NTM: variants seen among roughly 807,000 people sequenced by gnomAD.
The protein encoded by NTM is IgLON family member 2.
In NTM, 13 loss-of-function variants were observed where a neutral mutation model predicts 42.1. The ratio of observed to expected loss-of-function variants is 0.31; its 90% CI spans 0.20 to 0.49. The LOEUF (loss-of-function observed/expected upper bound fraction) is 0.49, where lower values mean the gene tolerates loss of function less well. Ranked by LOEUF, NTM falls within the 20% of genes least tolerant of loss-of-function variation. The probability of loss-of-function intolerance (pLI) is 0.99; values close to 1 mark genes in which losing one functional copy is unlikely to be tolerated. For missense variants in NTM, 373 were observed against 452.8 expected, an observed-to-expected ratio of 0.82 and a Z score of 1.60; for synonymous variants, 187 against 179.2, an observed-to-expected ratio of 1.04 and a Z score of -0.35.
intron 1 of NTM, among the ~76,000 whole-genome samples, chr11:131,548,611 A>C (rs1407446137): frequency 6.6e-6 from 1 of 152,198 alleles, no homozygotes; most frequent in Non-Finnish European, 1.5e-5. Context: ...TGCCTTCCCC[A>C]TCCTGACTTC....
chr11:132,071,788 A>T (rs1194555317), intron 2 of NTM, among the ~76,000 whole-genome samples: 1 of 152,142 alleles, frequency 6.6e-6, no homozygotes, highest in Non-Finnish European at 1.5e-5. Context: ...CTTTTATCAG[A>T]TTCACACAAA....
At chr11:132,250,694 C>A (rs923136718) in intron 4 of NTM, among the ~76,000 whole-genome samples, 1 of 149,282 alleles carries the variant, frequency 6.7e-6, no homozygotes, top group Non-Finnish European at 1.5e-5. Flanking sequence ...TTTAATTTTT[C>A]TTTTCTAGAA....
intron 1 of NTM, among the ~76,000 whole-genome samples, chr11:131,812,216 CTCTCTT>C (rs1333316828): frequency 2.7e-5 from 4 of 147,448 alleles, no homozygotes; most frequent in African/African-American, 7.5e-5. Context: ...CTCTCTCTCT[CTCTCTT>C]CCCCTTCCTC....
At position 131,710,959 on chromosome 11, in the gene NTM, C is replaced by A. The variant is rs114730076; in HGVS notation, c.83-200605C>A. Among the ~76,000 whole-genome samples, 1,186 of 152,306 alleles carry A rather than the reference C, an allele frequency of 7.8e-3. 19 individuals are homozygous for A. Among genetic ancestry groups the A allele is most frequent in the African/African-American group, 0.023 (960 of 41,554 alleles). On this transcript the variant is annotated intron_variant, in intron 1 of 8. Transcript: ENST00000683400. Reference sequence around the variant, plus strand: ...CCAAGGAGTATTTCTGGCTACTGCACTGGTTTGCTTCTCTCCAAGGCCTCC... The same window carrying A: ...CCAAGGAGTATTTCTGGCTACTGCAATGGTTTGCTTCTCTCCAAGGCCTCC...
Position 131,875,089 on chromosome 11 carries a change from C to T in NTM, c.83-36475C>T, listed in dbSNP as rs546106946. On this transcript the variant is annotated intron_variant, in intron 1 of 8. Coordinates refer to ENST00000683400, the MANE Select transcript of NTM (RefSeq NM_001352005.2). ...TCCTGGATTCTCCACTTGTTCACTG[C>T]GCCTTGGAAAAGCTACTTAAACCCC... Among the ~76,000 whole-genome samples, 14 of 152,270 alleles carry T rather than the reference C, an allele frequency of 9.2e-5. No homozygotes were observed. The South Asian group carries it at 1.5e-3, about 16-fold the overall frequency.
chr11:132,261,120 G>A (rs919755826), intron 4 of NTM, among the ~76,000 whole-genome samples: 1 of 152,188 alleles, frequency 6.6e-6, no homozygotes, highest in Non-Finnish European at 1.5e-5. Context: ...GGGTGGCTGG[G>A]TGCACTAACC....
At chr11:131,682,320 C>T (rs1029420258) in intron 1 of NTM, among the ~76,000 whole-genome samples, 1 of 152,324 alleles carries the variant, frequency 6.6e-6, no homozygotes, top group Non-Finnish European at 1.5e-5. Context: ...GAGGACTAAT[C>T]TAAGAATCTC....
At position 132,323,683 on chromosome 11, in the gene NTM, A is replaced by G. The variant is rs1326387246; in HGVS notation, c.935-6470A>G. 2.0e-5 allele frequency among the ~76,000 whole-genome samples: 3 copies of G among 152,180 alleles called. No homozygotes were observed. The East Asian group carries it at 5.8e-4, about 29-fold the overall frequency. The stretch of plus-strand genomic sequence containing the variant: ...CCTCCCTAACTCATTTTATGAGTCC[A>G]GCATCATTCTGATACCAAAGCTGGG... On this transcript the variant is annotated intron_variant, in intron 7 of 8. Coordinates refer to ENST00000683400, the MANE Select transcript of NTM (RefSeq NM_001352005.2).
chr11:132,001,390 T>C (rs577417031), intron 2 of NTM, among the ~76,000 whole-genome samples: 1 of 152,356 alleles, frequency 6.6e-6, no homozygotes, highest in African/African-American at 2.4e-5. Context: ...GGCATTACTA[T>C]AAAGATATAC....
chr11:131,421,516 A>G (rs903986226), intron 1 of NTM, among the ~76,000 whole-genome samples: 1 of 152,210 alleles, frequency 6.6e-6, no homozygotes, highest in African/African-American at 2.4e-5. Flanking sequence ...CCAGAAAGGC[A>G]TCCAGGAACA....
chr11:131,561,270 A>G (rs1030155795), intron 1 of NTM, among the ~76,000 whole-genome samples: 4 of 152,330 alleles, frequency 2.6e-5, no homozygotes, highest in Admixed American at 6.5e-5. Context: ...TGCTTGGCAA[A>G]CAGAATCCCA....
intron 1 of NTM, among the ~76,000 whole-genome samples, chr11:131,478,628 C>G (rs574378127): frequency 6.6e-6 from 1 of 152,232 alleles, no homozygotes; most frequent in Admixed American, 6.5e-5. Context: ...TGTGGTTATC[C>G]AAGCACATTC....
chr11:131,930,969 G>A (rs1052063829), intron 2 of NTM, among the ~76,000 whole-genome samples: 9 of 152,124 alleles, frequency 5.9e-5, no homozygotes, highest in South Asian at 2.1e-4. Flanking sequence ...GTGTGTGTGA[G>A]TACACAAAAC....
At chr11:131,831,539 C>T (rs975376053) in intron 1 of NTM, among the ~76,000 whole-genome samples, 9 of 152,258 alleles carry the variant, frequency 5.9e-5, no homozygotes, top group Non-Finnish European at 7.4e-5. Context: ...TGGTGACTTC[C>T]CCAAGCCTCC....
chr11:131,648,197 T>C (rs936273829), intron 1 of NTM, among the ~76,000 whole-genome samples: 3 of 152,224 alleles, frequency 2.0e-5, no homozygotes, highest in Admixed American at 2.0e-4. Flanking sequence ...TTTGTTCTTT[T>C]TTATGGCTGC....
intron 2 of NTM, among the ~76,000 whole-genome samples, chr11:131,951,082 A>G (rs1283252939): frequency 1.3e-5 from 2 of 152,158 alleles, no homozygotes; most frequent in African/African-American, 2.4e-5. Flanking sequence ...TTAAGCAAGG[A>G]TGAGCTATTT....
intron 4 of NTM, among the ~76,000 whole-genome samples, chr11:132,243,669 G>A (rs1003498222): frequency 2.0e-5 from 3 of 152,192 alleles, no homozygotes; most frequent in East Asian, 1.9e-4. Flanking sequence ...GTGACCTTCC[G>A]ATGTACCCAA....
chr11:131,830,027 G>T (rs2042618311), intron 1 of NTM, among the ~76,000 whole-genome samples: 4 of 151,798 alleles, frequency 2.6e-5, no homozygotes. Context: ...TTTTAAATGG[G>T]GTTATTTTTT....
At chr11:131,473,447 A>G (rs1465368028) in intron 1 of NTM, among the ~76,000 whole-genome samples, 1 of 152,156 alleles carries the variant, frequency 6.6e-6, no homozygotes, top group Non-Finnish European at 1.5e-5. Context: ...CATTTTTTTA[A>G]GCTCATTCAT....
Sources: gnomAD v4.1 joint callset for allele counts (sites outside exome capture counted in the v4.1 genomes callset) on GRCh38, gnomAD v4.1.1 for gene constraint, MANE v1.5 for transcripts, NCBI Gene and HGNC (gene_info 2026-07-23, HGNC 2026-07-21) for gene names.